Variants in POLD2 observed in about 807,000 individuals in gnomAD.
The protein encoded by POLD2 is DNA polymerase delta 2, accessory subunit.
A neutral mutation model predicts 48.8 loss-of-function variants in POLD2; 31 were observed. The observed-to-expected ratio is 0.64, with a 90% CI of 0.48 to 0.86. The LOEUF is 0.86. Among genes scored for constraint, POLD2 ranks in the 40% least tolerant of loss-of-function variants. The pLI is 0.00. For missense variants in POLD2, 455 were observed against 610.1 expected, an observed-to-expected ratio of 0.75 and a Z score of 2.68; for synonymous variants, 233 against 256.3, an observed-to-expected ratio of 0.91 and a Z score of 0.87.
intron 4 of POLD2, 100 bp from the exon 5 acceptor site, chr7:44,117,347 A>G (rs2096241788): frequency 1.2e-6 from 1 of 848,738 alleles, no homozygotes; most frequent in Non-Finnish European, 1.9e-6. Context: ...CCACAACCAC[A>G]TTGGTGAATT....
chr7:44,117,826 A>G, intron 3 of POLD2, 84 bp from the exon 4 acceptor site: 3 of 1,598,644 alleles, frequency 1.9e-6, no homozygotes, highest in Non-Finnish European at 2.6e-6. Flanking sequence ...CGCAGCCCCC[A>G]CCCCTCTGGA....
At chr7:44,123,357 G>A in intron 1 of POLD2, 154 bp downstream of exon 1, 3 of 1,397,492 alleles carry the variant, frequency 2.1e-6, no homozygotes, top group Non-Finnish European at 2.8e-6. Flanking sequence ...AGAGCGCCCT[G>A]GGGGCTGTCC....
chr7:44,117,639 T>A lies in POLD2; in HGVS notation c.446A>T (p.Asp149Val). Residue 149 changes from aspartate (D) to valine (V), a missense_variant, in exon 4 of 11, where the codon GAC becomes GTC. Asp to Val is a radical substitution (Grantham distance 152). Around this residue, in one of 3 missense-constraint regions of POLD2, gnomAD observed 349 missense variants for 437.4 expected, o/e 0.80. Transcript: ENST00000610533. ...CCTACCCGTAACCAGCTTTGACACG[T>A]CAATGGTGCCTTTTAGTTTGATACG... is the stretch of plus-strand genomic sequence containing the variant. ...LQRIKLKGTIDVSKLVTGTVL... is the reference protein window; with the variant it reads ...LQRIKLKGTIVVSKLVTGTVL... The A allele has an allele frequency of 6.2e-7, 1 of 1,607,302 alleles. No individual in the cohort carries two copies. The highest frequency in any genetic ancestry group is 8.5e-7 in the Non-Finnish European group (1 of 1,176,770).
intron 4 of POLD2, 92 bp downstream of exon 4, chr7:44,117,527 C>T (rs1224397583): frequency 6.8e-7 from 1 of 1,478,546 alleles, no homozygotes; most frequent in Non-Finnish European, 9.2e-7. Flanking sequence ...CACCCCCCCA[C>T]TCCCCCCAGG....
rs757199010 is a variant in POLD2 at position 44,116,894 on chromosome 7, C to T, written c.703G>A (p.Ala235Thr). The T allele has an allele frequency of 3.3e-5, 53 of 1,613,838 alleles. No homozygotes were observed. Among genetic ancestry groups the T allele is most frequent in the Middle Eastern group, 1.7e-4 (1 of 5,996 alleles). Residue 235 changes from alanine to threonine, a missense_variant, in exon 6 of 11, where the codon GCC (alanine) becomes ACC (threonine). Transcript: ENST00000610533. This position sits in a 1 kb window ranked among gnomAD's most constrained non-coding sequence, Gnocchi z 6.1. The part of the protein sequence containing the change: ...QLGDEGEQCS[A>T]AHVSRVILAG... Reference sequence around the variant, plus strand: ...AGGATAACCCGGGAGACGTGGGCGGCGCTGCACTGCTCCCCTTCGTCCCCA... The same window carrying T: ...AGGATAACCCGGGAGACGTGGGCGGTGCTGCACTGCTCCCCTTCGTCCCCA...
At chr7:44,115,518 G>A (rs558644352) in intron 9 of POLD2, 122 bp from the exon 10 acceptor site, 1 of 766,302 alleles carries the variant, frequency 1.3e-6, no homozygotes, top group South Asian at 1.6e-5. Context: ...TGTGACAATA[G>A]GGGCACCTCC....
At position 44,118,195 on chromosome 7, in the gene POLD2, T is replaced by C. The variant is rs561710305; in HGVS notation, c.221-131A>G. On this transcript the variant is annotated intron_variant, in intron 2 of 10. Transcript: ENST00000610533. ...GGCCTTGCCAGGAGAGAACATCAAGTACAAGGACCCCCTGGACTTCACGGT... is the reference window on the plus strand; with the variant it reads ...GGCCTTGCCAGGAGAGAACATCAAGCACAAGGACCCCCTGGACTTCACGGT... The C allele has an allele frequency of 8.7e-6, 9 of 1,039,452 alleles. No individual in the cohort carries two copies. The East Asian group carries it at 2.1e-4, about 24-fold the overall frequency. 64.4% of individuals were successfully genotyped at this position (1,039,452 alleles called of 1,614,324 possible). A position where few individuals can be genotyped will look rare whatever the true frequency, so the allele number is the denominator to read the frequency against.
rs2096247486 is a variant in POLD2 at position 44,121,014 on chromosome 7, A to G, written c.220+820T>C. ...TGAGATGGGCTTCTCAAAGCTCCCC[A>G]GGGGATTCCAATGTGCAACTAGGGC... On this transcript the variant is annotated intron_variant, in intron 2 of 10. Transcript: ENST00000610533. This position sits in a 1 kb window ranked among gnomAD's most constrained non-coding sequence, Gnocchi z 4.5. 6.6e-6 allele frequency among the ~76,000 whole-genome samples: 1 copy of G among 152,190 alleles called. No individual in the cohort carries two copies. The highest frequency in any genetic ancestry group is 1.5e-5 in the Non-Finnish European group (1 of 68,046).
chr7:44,116,424 G>A lies in POLD2; in HGVS notation c.861+6C>T, dbSNP rs759840263. The A allele has an allele frequency of 7.6e-6, 12 of 1,574,916 alleles. No individual in the cohort carries two copies. The highest frequency in any genetic ancestry group is 1.7e-4 in the Middle Eastern group (1 of 6,010). ...CCATCACCCCTCCAGCCCCCAGCTC[G>A]CTCACGCTCAGCTGCAGGAGGATCT... On this transcript the variant is annotated splice_donor_region_variant and intron_variant, in intron 7 of 10. Transcript: ENST00000610533. The surrounding 1 kb of genome is among the most constrained non-coding windows in gnomAD (Gnocchi z 6.1).
chr7:44,123,908 C>T (rs2096252193), upstream of POLD2, among the ~76,000 whole-genome samples: 1 of 152,272 alleles, frequency 6.6e-6, no homozygotes, highest in Non-Finnish European at 1.5e-5. Context: ...CGGCCGCCAG[C>T]CTCCTTGGTG....
intron 1 of POLD2, chr7:44,122,359 C>A: frequency 7.8e-7 from 1 of 1,280,140 alleles, no homozygotes; most frequent in Non-Finnish European, 9.9e-7. Context: ...GAACCCTAGA[C>A]TCAGGTGTCC....
chr7:44,117,568 C>A (rs374417590), intron 4 of POLD2, 51 bp downstream of exon 4: 40 of 1,566,456 alleles, frequency 2.6e-5, no homozygotes, highest in South Asian at 4.7e-5. Flanking sequence ...TAACACACCA[C>A]CGCTGGGCTC....
rs997723665 is a variant in POLD2, at chr7:44,121,482, C to T, written c.220+352G>A. On this transcript the variant is annotated intron_variant, in intron 2 of 10. Coordinates refer to ENST00000610533, the MANE Select transcript of POLD2 (RefSeq NM_006230.4). This position sits in a 1 kb window ranked among gnomAD's most constrained non-coding sequence, Gnocchi z 4.5. ...ACCAGTCTTGGCTCCTGGTGCCTGG[C>T]GCCAGGCTTGCCACACTGAGGGGCT... 2.6e-5 allele frequency among the ~76,000 whole-genome samples: 4 copies of T among 152,142 alleles called. No homozygotes were observed. Among genetic ancestry groups the T allele is most frequent in the African/African-American group, 4.8e-5 (2 of 41,406 alleles).
In POLD2 at chr7:44,121,898, G is replaced by C; in HGVS notation, c.156C>G (p.His52Gln). 2.5e-6 allele frequency: 4 copies of C among 1,613,716 alleles called. No homozygotes were observed. The highest frequency in any genetic ancestry group is 3.4e-6 in the Non-Finnish European group (4 of 1,180,038). The change falls in exon 2 of 11, where the codon CAC becomes CAG. Residue 52 changes from histidine (H) to glutamine (Q), a missense_variant. Transcript: ENST00000610533. This position sits in a 1 kb window ranked among gnomAD's most constrained non-coding sequence, Gnocchi z 4.5. Reference sequence around the variant, plus strand: ...TTTGGATGAGGCGGGTGGCATAAATGTGGGCATACTGCCGGCTAAAGCTGC... The same window carrying C: ...TTTGGATGAGGCGGGTGGCATAAATCTGGGCATACTGCCGGCTAAAGCTGC... ...GERSFSRQYA[H>Q]IYATRLIQMR...
At chr7:44,115,197 G>A (rs995467292) in intron 10 of POLD2, 98 bp downstream of exon 10, 1 of 896,800 alleles carries the variant, frequency 1.1e-6, no homozygotes, top group African/African-American at 1.6e-5. Flanking sequence ...ACAAGGGCCA[G>A]GGGGACTCCA....
chr7:44,123,462 C>T (rs1192433139), intron 1 of POLD2, 49 bp downstream of exon 1: 2 of 1,495,714 alleles, frequency 1.3e-6, no homozygotes, highest in African/African-American at 1.5e-5. Flanking sequence ...GGCCTCGCGG[C>T]CTGGAACTGC....
At chr7:44,120,683 T>C (rs2096247060) in intron 2 of POLD2, among the ~76,000 whole-genome samples, 1 of 152,150 alleles carries the variant, frequency 6.6e-6, no homozygotes. Context: ...TCATGCGATC[T>C]GATGGTTTAA....
At chr7:44,123,407 C>T in intron 1 of POLD2, 104 bp downstream of exon 1, 2 of 1,449,934 alleles carry the variant, frequency 1.4e-6, no homozygotes, top group Non-Finnish European at 1.8e-6. Flanking sequence ...CACGCGGCAG[C>T]TGCGGGACGT....
chr7:44,116,494 T>C lies in POLD2; in HGVS notation c.797A>G (p.Lys266Arg), dbSNP rs1255105681. 1.3e-6 allele frequency: 2 copies of C among 1,579,618 alleles called. No homozygotes were observed. Among genetic ancestry groups the C allele is most frequent in the Admixed American group, 3.7e-5 (2 of 54,626 alleles). Reference protein sequence around the residue: ...DSINKAKYLTKKTQAASVEAV... With the variant: ...DSINKAKYLTRKTQAASVEAV... The stretch of plus-strand genomic sequence containing the variant: ...CTCCACGCTGGCTGCCTGGGTTTTC[T>C]TGGTGAGGTATTTGGCCTGGAATAG... The change falls in exon 7 of 11, where the codon AAG (lysine) becomes AGG (arginine). Residue 266 changes from lysine to arginine, a missense_variant. Around this residue, in one of 3 missense-constraint regions of POLD2, gnomAD observed 349 missense variants for 437.4 expected, o/e 0.80. Coordinates refer to ENST00000610533, the MANE Select transcript of POLD2 (RefSeq NM_006230.4). This position sits in a 1 kb window ranked among gnomAD's most constrained non-coding sequence, Gnocchi z 6.1.
Sources: allele counts gnomAD v4.1 joint callset (sites outside exome capture counted in the v4.1 genomes callset), GRCh38; gene constraint gnomAD v4.1.1; regional missense constraint gnomAD v4.1.1; non-coding constraint Gnocchi (gnomAD v3.1); transcripts MANE v1.5; gene names NCBI Gene and HGNC (gene_info 2026-07-23, HGNC 2026-07-21).